PUDP: variants seen among roughly 807,000 people sequenced by gnomAD.
PUDP encodes the protein pseudouridine-5'-phosphatase.
In PUDP, 8 loss-of-function variants were observed where a neutral mutation model predicts 9.4. That is an observed-to-expected ratio of 0.85 (90% confidence interval 0.50 to 1.53). The LOEUF (loss-of-function observed/expected upper bound fraction) is 1.53, where lower values mean the gene tolerates loss of function less well. PUDP is among the 40% of genes most tolerant of loss of function. The pLI, the probability that PUDP is intolerant of heterozygous loss-of-function variation, is 0.00. For synonymous variants in PUDP, 99 were observed against 80.7 expected (o/e 1.23, Z -1.22); for missense variants, 188 against 189.7 (o/e 0.99, Z 0.05).
At chrX:6,768,231 G>A (rs1194491733) in intron 3 of PUDP, among the ~76,000 whole-genome samples, 1 of 111,718 alleles carries the variant, frequency 9.0e-6, no homozygotes, top group East Asian at 2.8e-4. Context: ...GGATGGCACT[G>A]GCAGTTGATG....
chrX:7,051,982 C>G (rs1410584568), intron 3 of PUDP, among the ~76,000 whole-genome samples: 1 of 111,260 alleles, frequency 9.0e-6, no homozygotes, highest in African/African-American at 3.3e-5. Flanking sequence ...GAGGTGGGGC[C>G]TTTCAGCTCT....
At chrX:6,796,365 A>G (rs1018118416) in intron 3 of PUDP, among the ~76,000 whole-genome samples, 1 of 111,939 alleles carries the variant, frequency 8.9e-6, no homozygotes, top group Non-Finnish European at 1.9e-5. Context: ...CCCCTTTATT[A>G]TGACTGATTA....
intron 3 of PUDP, among the ~76,000 whole-genome samples, chrX:6,809,361 G>A (rs1477985071): frequency 1.8e-5 from 2 of 109,655 alleles, no homozygotes; most frequent in Non-Finnish European, 3.8e-5. Context: ...ACAGTGGCGC[G>A]ATCATAGCTC....
chrX:6,853,378 A>G (rs1302652769), intron 3 of PUDP, among the ~76,000 whole-genome samples: 3 of 110,595 alleles, frequency 2.7e-5, no homozygotes, highest in East Asian at 5.7e-4. Context: ...CATAGCTCCC[A>G]AGTCCAAAGT....
intron 3 of PUDP, among the ~76,000 whole-genome samples, chrX:6,920,955 T>A (rs987617283): frequency 5.4e-5 from 6 of 111,399 alleles, no homozygotes; most frequent in Non-Finnish European, 5.6e-5. Context: ...TGCAGCCCCC[T>A]AAGTAGTGAT....
At chrX:6,948,130 C>G (rs1928496392) in intron 3 of PUDP, among the ~76,000 whole-genome samples, 1 of 112,228 alleles carries the variant, frequency 8.9e-6, no homozygotes, top group Non-Finnish European at 1.9e-5. Flanking sequence ...TAGAGTGAGG[C>G]CCATTCTCCT....
chrX:6,929,154 C>T (rs191862195), intron 3 of PUDP, among the ~76,000 whole-genome samples: 12 of 112,098 alleles, frequency 1.1e-4, no homozygotes, highest in Admixed American at 5.7e-4. Flanking sequence ...ATATGAGATA[C>T]GCAGTTAAAT....
intron 3 of PUDP, among the ~76,000 whole-genome samples, chrX:6,799,678 A>C (rs1925899358): frequency 9.0e-6 from 1 of 111,405 alleles, no homozygotes; most frequent in Non-Finnish European, 1.9e-5. Flanking sequence ...TCTCTACTAA[A>C]AATACAAAAT....
intron 1 of PUDP, among the ~76,000 whole-genome samples, chrX:7,005,853 C>A (rs963958441): frequency 1.8e-5 from 2 of 111,445 alleles, no homozygotes; most frequent in Non-Finnish European, 1.9e-5. Flanking sequence ...TCCTCCTCCC[C>A]ACCCCGGGTA....
chrX:6,800,685 T>C (rs1404210934), intron 3 of PUDP, among the ~76,000 whole-genome samples: 1 of 111,713 alleles, frequency 9.0e-6, no homozygotes, highest in Non-Finnish European at 1.9e-5. Context: ...CAGGCCTCTG[T>C]TAATTAGGCC....
At chrX:7,100,979 A>C (rs1484879987) in intron 2 of PUDP, among the ~76,000 whole-genome samples, 2 of 111,817 alleles carry the variant, frequency 1.8e-5, no homozygotes, top group African/African-American at 6.5e-5. Context: ...AGAATACCAA[A>C]GCGGCACATC....
chrX:6,767,902 A>C (rs1263254142), intron 3 of PUDP, among the ~76,000 whole-genome samples: 1 of 111,168 alleles, frequency 9.0e-6, no homozygotes, highest in African/African-American at 3.3e-5. Flanking sequence ...TCTATTCCGA[A>C]TCTGGGGTGT....
chrX:7,146,830 G>A (rs1445222976), intron 1 of PUDP, among the ~76,000 whole-genome samples: 2 of 84,689 alleles, frequency 2.4e-5, no homozygotes, highest in Non-Finnish European at 4.4e-5. Context: ...TCTCTGAGCT[G>A]CAGGGTTTTT....
intron 3 of PUDP, among the ~76,000 whole-genome samples, chrX:6,898,050 T>G (rs1211703183): frequency 8.9e-6 from 1 of 112,400 alleles, no homozygotes; most frequent in Non-Finnish European, 1.9e-5. Flanking sequence ...ATATTATTAT[T>G]CAGGGTATCA....
chrX:6,782,687 A>G lies in PUDP; in HGVS notation c.*248-76221T>C, dbSNP rs772010604. On this transcript the variant is annotated intron_variant and NMD_transcript_variant, in intron 3 of 3. Coordinates refer to the PUDP transcript ENST00000655425. ...GGTCTCCCCTGATGTCCAATCTTCC[A>G]AAACCCAACAGCCTGTCTAGAAGAT... Among the ~76,000 whole-genome samples, 16 of 112,545 alleles carry G rather than the reference A, an allele frequency of 1.4e-4. 1 individual carries two copies. The East Asian group carries it at 4.5e-3, about 31-fold the overall frequency.
intron 1 of PUDP, among the ~76,000 whole-genome samples, chrX:6,720,258 G>GTATA (rs543397118): frequency 0.22 from 10,498 of 48,420 alleles, 1,049 homozygotes; most frequent in Middle Eastern, 0.39. Flanking sequence ...GTGTGTGTGT[G>GTATA]TATATATATA....
intron 3 of PUDP, among the ~76,000 whole-genome samples, chrX:6,954,865 C>A (rs189742691): frequency 8.9e-6 from 1 of 111,994 alleles, no homozygotes; most frequent in African/African-American, 3.2e-5. Context: ...AGAATTGAGT[C>A]CAGAGATTTC....
At chrX:6,782,936 T>C (rs1267876168) in intron 3 of PUDP, among the ~76,000 whole-genome samples, 1 of 111,480 alleles carries the variant, frequency 9.0e-6, no homozygotes, top group Non-Finnish European at 1.9e-5. Flanking sequence ...TACAAACAGA[T>C]TGGCCTAAGG....
chrX:6,884,578 C>T (rs1308997594), intron 3 of PUDP, among the ~76,000 whole-genome samples: 2 of 111,598 alleles, frequency 1.8e-5, no homozygotes. Context: ...AGGACAATCG[C>T]CATGGAGAAT....
Sources: allele counts gnomAD v4.1 joint callset (sites outside exome capture counted in the v4.1 genomes callset), GRCh38; gene constraint gnomAD v4.1.1; transcripts MANE v1.5; gene names NCBI Gene and HGNC (gene_info 2026-07-23, HGNC 2026-07-21).